Variants in PRKD2 observed in about 807,000 individuals in gnomAD.
PRKD2 encodes the protein serine/threonine-protein kinase D2.
Under a neutral mutation model 86.0 loss-of-function variants are expected in PRKD2, and 22 were observed. That is an observed-to-expected ratio of 0.26 (90% CI 0.18 to 0.37). The LOEUF (loss-of-function observed/expected upper bound fraction) is 0.37. PRKD2 is among the 10% of genes least tolerant of loss of function. PRKD2 has a pLI of 1.00. For synonymous variants in PRKD2, 509 were observed against 510.9 expected (o/e 1.00, Z 0.05); for missense variants, 818 against 1,199.2 (o/e 0.68, Z 4.70).
intron 16 of PRKD2, 27 bp from the exon 17 acceptor site, chr19:46,675,145 G>A: frequency 6.3e-7 from 1 of 1,587,110 alleles, no homozygotes; most frequent in African/African-American, 1.3e-5. Flanking sequence ...AACAGGTCAA[G>A]CCCTACAGGT....
intron 3 of PRKD2, among the ~76,000 whole-genome samples, chr19:46,707,270 C>T (rs567804027): frequency 6.6e-6 from 1 of 152,272 alleles, no homozygotes; most frequent in East Asian, 1.9e-4. Flanking sequence ...AATGGAACAT[C>T]CAAGAATATG....
chr19:46,712,813 C>G (rs1307257041), intron 2 of PRKD2, among the ~76,000 whole-genome samples: 2 of 152,190 alleles, frequency 1.3e-5, no homozygotes, highest in Non-Finnish European at 2.9e-5. Flanking sequence ...GGGCCATAGA[C>G]TGCTCTAAGG....
At chr19:46,697,537 C>A (rs2053578530) in intron 8 of PRKD2, among the ~76,000 whole-genome samples, 196 bp downstream of exon 8, 1 of 151,348 alleles carries the variant, frequency 6.6e-6, no homozygotes. Flanking sequence ...CCCGGGTCTT[C>A]CCTAACTCCT....
intron 2 of PRKD2, among the ~76,000 whole-genome samples, chr19:46,712,850 C>A (rs1019401497): frequency 6.6e-6 from 1 of 152,178 alleles, no homozygotes; most frequent in Non-Finnish European, 1.5e-5. Context: ...ATCTATACTA[C>A]TGGAATAGTG....
intron 13 of PRKD2, among the ~76,000 whole-genome samples, chr19:46,690,008 G>C (rs2053460469): frequency 6.6e-6 from 1 of 152,104 alleles, no homozygotes; most frequent in Admixed American, 6.6e-5. Context: ...CCAAAGTGCT[G>C]GGATTACAGG....
At position 46,689,662 on chromosome 19, in the gene PRKD2, T is replaced by G; in HGVS notation, c.1846A>C (p.Met616Leu). ...AACACTTTCTCAGGCGTCTCGAACA[T>G]GCACTCCAGGTTCACGATCCCGGGA... ...RHPGIVNLEC[M>L]FETPEKVFVV... is the part of the protein sequence containing the mutation. Residue 616 changes from methionine (M) to leucine (L), a missense_variant, in exon 14 of 18, where the codon ATG becomes CTG. Coordinates refer to ENST00000291281, the MANE Select transcript of PRKD2 (RefSeq NM_016457.5). 6.2e-7 allele frequency: 1 copy of G among 1,614,112 alleles called. No individual in the cohort carries two copies. The highest frequency in any genetic ancestry group is 8.5e-7 in the Non-Finnish European group (1 of 1,179,992).
chr19:46,705,471 T>A (rs866842428), intron 3 of PRKD2, among the ~76,000 whole-genome samples: 2 of 151,936 alleles, frequency 1.3e-5, no homozygotes, highest in Non-Finnish European at 1.5e-5. Context: ...ATCCAGGCAA[T>A]CCCTAAGTAG....
intron 14 of PRKD2, among the ~76,000 whole-genome samples, chr19:46,682,832 G>A (rs1189623563): frequency 1.3e-5 from 2 of 149,866 alleles, no homozygotes; most frequent in Non-Finnish European, 3.0e-5. Context: ...AACCTCCCTA[G>A]TAACTGGGAT....
chr19:46,709,636 C>T (rs1000121965), intron 3 of PRKD2, among the ~76,000 whole-genome samples: 1 of 152,184 alleles, frequency 6.6e-6, no homozygotes, highest in African/African-American at 2.4e-5. Flanking sequence ...GCTGGGATTA[C>T]AGGCGTGAGC....
At chr19:46,684,267 C>T (rs754751169) in intron 14 of PRKD2, among the ~76,000 whole-genome samples, 15 of 152,030 alleles carry the variant, frequency 9.9e-5, no homozygotes, top group Non-Finnish European at 1.8e-4. Context: ...GACCAACCTC[C>T]TCATTCTACA....
In PRKD2 at chr19:46,674,322, G is replaced by T. The variant is rs1238868204; in HGVS notation, c.*201C>A. The T allele has an allele frequency of 2.5e-5, 15 of 599,728 alleles. No individual in the cohort carries two copies. Among genetic ancestry groups the T allele is most frequent in the Non-Finnish European group, 3.5e-5 (12 of 341,646 alleles). The allele number at this position is 599,728 out of a possible 1,614,324, so 37.2% of individuals were successfully genotyped here. A position where few individuals can be genotyped will look rare whatever the true frequency, so the allele number is the denominator to read the frequency against. On this transcript the variant is annotated 3_prime_UTR_variant, in exon 18 of 18. Coordinates refer to ENST00000291281, the MANE Select transcript of PRKD2 (RefSeq NM_016457.5). ...ATGATTCGAGAGTGCCGTGTGCTGA[G>T]ATCAAGGCCATGGGGCCAGAGATGA...
intron 5 of PRKD2, among the ~76,000 whole-genome samples, chr19:46,701,967 G>A (rs1435317749): frequency 6.6e-6 from 1 of 151,626 alleles, no homozygotes; most frequent in Non-Finnish European, 1.5e-5. Context: ...CGGTTCTAGG[G>A]ACACTATACA....
At chr19:46,680,904 G>A (rs1337527848) in intron 15 of PRKD2, among the ~76,000 whole-genome samples, 2 of 123,424 alleles carry the variant, frequency 1.6e-5, no homozygotes, top group Non-Finnish European at 3.3e-5. Flanking sequence ...GTTGAATAAA[G>A]TGCTATATGT....
In PRKD2 at chr19:46,712,135, T is replaced by C. The variant is rs115632908; in HGVS notation, c.380-1097A>G. Among the ~76,000 whole-genome samples the C allele has an allele frequency of 9.9e-3, 1,489 of 150,766 alleles. 23 individuals carry two copies. Among genetic ancestry groups the C allele is most frequent in the African/African-American group, 0.034 (1,383 of 40,982 alleles). On this transcript the variant is annotated intron_variant, in intron 2 of 17. Coordinates refer to ENST00000291281, the MANE Select transcript of PRKD2 (RefSeq NM_016457.5). ...CTGTAATGCCTATAGTCCAGCCACC[T>C]CAGGAGGCTGAGGCGGGATGATTGC... is the stretch of plus-strand genomic sequence containing the variant.
At position 46,678,364 on chromosome 19, in the gene PRKD2, A is replaced by C. The variant is rs752841343; in HGVS notation, c.2338+32T>G. The C allele has an allele frequency of 1.9e-6, 3 of 1,604,662 alleles. No individual in the cohort carries two copies. Among genetic ancestry groups the C allele is most frequent in the African/African-American group, 2.7e-5 (2 of 73,546 alleles). On this transcript the variant is annotated intron_variant, in intron 16 of 17. Transcript: ENST00000291281. The surrounding 1 kb of genome is among the most constrained non-coding windows in gnomAD (Gnocchi z 5.7). ...CTTCTCCAGCCCCACCCCACAACCC[A>C]CCCGCCCATGGGGTAGGCGGGCCCC... is the stretch of plus-strand genomic sequence containing the variant.
At chr19:46,684,831 C>T (rs1270661532) in intron 14 of PRKD2, among the ~76,000 whole-genome samples, 4 of 151,770 alleles carry the variant, frequency 2.6e-5, no homozygotes, top group African/African-American at 4.8e-5. Context: ...GGAATGGTGG[C>T]GTGTGCCTGT....
chr19:46,713,789 C>T (rs1286942681), intron 2 of PRKD2, 74 bp downstream of exon 2: 3 of 1,287,510 alleles, frequency 2.3e-6, no homozygotes, highest in Non-Finnish European at 1.1e-6. Flanking sequence ...CTTCTAACTC[C>T]CCCTACCCTC....
intron 5 of PRKD2, among the ~76,000 whole-genome samples, chr19:46,702,663 A>C (rs1052325839): frequency 6.0e-5 from 9 of 151,200 alleles, no homozygotes; most frequent in Non-Finnish European, 8.8e-5. Context: ...GTTTATGTGG[A>C]TCTAGGCTTC....
chr19:46,680,910 TA>T (rs1462326030), intron 15 of PRKD2, among the ~76,000 whole-genome samples: 3 of 116,648 alleles, frequency 2.6e-5, no homozygotes, highest in African/African-American at 9.2e-5. Context: ...TAAAGTGCTA[TA>T]TGTTGGGATA....
Sources: allele counts gnomAD v4.1 joint callset (sites outside exome capture counted in the v4.1 genomes callset), GRCh38; gene constraint gnomAD v4.1.1; non-coding constraint Gnocchi (gnomAD v3.1); transcripts MANE v1.5; gene names NCBI Gene and HGNC (gene_info 2026-07-23, HGNC 2026-07-21).